The following PTPRT variants were observed in gnomAD, a reference collection of about 807,000 sequenced individuals.
The protein encoded by PTPRT is receptor-type tyrosine-protein phosphatase T.
In PTPRT, 56 loss-of-function variants were observed where a neutral mutation model predicts 176.8. That is an observed-to-expected ratio of 0.32 (90% CI 0.26 to 0.40). The LOEUF is 0.40. PTPRT is among the 10% of genes least tolerant of loss of function. The pLI, the probability that PTPRT is intolerant of heterozygous loss-of-function variation, is 1.00. For missense variants in PTPRT, 1,540 were observed against 1,908.2 expected (o/e 0.81, Z 3.60); for synonymous variants, 783 against 739.0 (o/e 1.06, Z -0.96).
At chr20:42,694,556 G>A (rs2075843964) in intron 6 of PTPRT, among the ~76,000 whole-genome samples, 1 of 152,016 alleles carries the variant, frequency 6.6e-6, no homozygotes, top group Admixed American at 6.5e-5. Context: ...ATTTTTCTGG[G>A]GTAAATTCCT....
At position 42,102,169 on chromosome 20, in the gene PTPRT, T is replaced by C. The variant is rs369101223; in HGVS notation, c.3669A>G (p.Ser1223=). 3.1e-6 allele frequency: 5 copies of C among 1,613,986 alleles called. No homozygotes were observed. In the African/African-American group the frequency reaches 6.7e-5, roughly 22 times the overall value. ...PLDRCLPFLI[S]VDGESSNYIN... is the part of the protein sequence containing the mutation. The stretch of plus-strand genomic sequence containing the variant: ...TGTAATTGCTGGATTCTCCGTCCAC[T>C]GAGATAAGGAAGGGCAGGCAGCGGT... The change falls in exon 26 of 31, where the codon TCA becomes TCG. Residue 1223 remains serine, a synonymous_variant. Transcript: ENST00000373187.
At chr20:42,141,083 G>C (rs1025325115) in intron 18 of PTPRT, among the ~76,000 whole-genome samples, 12 of 152,174 alleles carry the variant, frequency 7.9e-5, no homozygotes, top group Non-Finnish European at 1.8e-4. Context: ...GGTGCCTACA[G>C]GAAAGGTAAA....
At chr20:42,926,775 T>C (rs1017345704) in intron 1 of PTPRT, among the ~76,000 whole-genome samples, 2 of 152,186 alleles carry the variant, frequency 1.3e-5, no homozygotes, top group African/African-American at 4.8e-5. Flanking sequence ...ATGATTGTTG[T>C]GGGGATGCAA....
intron 7 of PTPRT, among the ~76,000 whole-genome samples, chr20:42,514,507 C>T (rs547411718): frequency 6.6e-6 from 1 of 152,190 alleles, no homozygotes; most frequent in South Asian, 2.1e-4. Flanking sequence ...TTATTTGTTG[C>T]TGGCTTTGTA....
In PTPRT at chr20:42,084,726, C is replaced by A; in HGVS notation, c.4092G>T (p.Gln1364His). The A allele has an allele frequency of 6.4e-7, 1 of 1,569,684 alleles. No homozygotes were observed. Among genetic ancestry groups the A allele is most frequent in the East Asian group, 2.3e-5 (1 of 43,306 alleles). ...LKVVRRLEKW[Q>H]EQYDGREGRT... ...GTCCCTCCCTCCCGTCATACTGCTC[C>A]TGCCACTTCTCCAGTCGTCGGACCA... Residue 1364 changes from glutamine (Q) to histidine (H), a missense_variant, in exon 29 of 31, where the codon CAG (glutamine) becomes CAT (histidine). By Grantham distance (24) the Gln-to-His change is conservative. Transcript: ENST00000373187.
At chr20:42,707,788 G>A (rs1040444030) in intron 6 of PTPRT, among the ~76,000 whole-genome samples, 4 of 152,100 alleles carry the variant, frequency 2.6e-5, no homozygotes, top group Non-Finnish European at 4.4e-5. Context: ...ACCCCATCTC[G>A]AAAATCAAAA....
chr20:42,743,668 G>A (rs574369505), intron 6 of PTPRT, among the ~76,000 whole-genome samples: 26 of 152,260 alleles, frequency 1.7e-4, no homozygotes, highest in African/African-American at 5.5e-4. Flanking sequence ...GTAAATGTCC[G>A]CTAAGCACGG....
At chr20:42,303,262 C>A (rs1298960780) in intron 12 of PTPRT, among the ~76,000 whole-genome samples, 1 of 152,200 alleles carries the variant, frequency 6.6e-6, no homozygotes, top group African/African-American at 2.4e-5. Context: ...CAGATGTAAT[C>A]AAAGGCCAAT....
chr20:42,772,054 A>AG (rs2077070870), intron 4 of PTPRT, among the ~76,000 whole-genome samples: 1 of 152,212 alleles, frequency 6.6e-6, no homozygotes, highest in Admixed American at 6.5e-5. Flanking sequence ...AGCCTGAAGA[A>AG]GCAAAATAAG....
intron 26 of PTPRT, among the ~76,000 whole-genome samples, chr20:42,099,593 A>G (rs921852950): frequency 1.2e-4 from 15 of 121,982 alleles, no homozygotes; most frequent in African/African-American, 3.0e-4. Flanking sequence ...CCAGGGCCCT[A>G]TTTATTTTCT....
intron 18 of PTPRT, among the ~76,000 whole-genome samples, chr20:42,130,784 T>TG (rs1272714591): frequency 1.6e-4 from 24 of 152,232 alleles, no homozygotes; most frequent in African/African-American, 5.3e-4. Context: ...AGCAGGTGGG[T>TG]GGTCTAAGCA....
At chr20:43,091,618 A>C (rs1224904260) in intron 1 of PTPRT, among the ~76,000 whole-genome samples, 2 of 152,004 alleles carry the variant, frequency 1.3e-5, no homozygotes, top group Non-Finnish European at 2.9e-5. Flanking sequence ...AAGAACAAAA[A>C]GTTTTCCACA....
chr20:42,370,529 A>G (rs1347011821), intron 9 of PTPRT, among the ~76,000 whole-genome samples: 1 of 152,200 alleles, frequency 6.6e-6, no homozygotes, highest in Non-Finnish European at 1.5e-5. Context: ...TCAGTGATTA[A>G]CAATGTAAGC....
intron 1 of PTPRT, among the ~76,000 whole-genome samples, chr20:43,150,798 G>C (rs1375170434): frequency 6.6e-6 from 1 of 152,060 alleles, no homozygotes; most frequent in Non-Finnish European, 1.5e-5. Context: ...CTCCGCACTG[G>C]GGAGAAAGGT....
intron 27 of PTPRT, among the ~76,000 whole-genome samples, chr20:42,097,647 T>G (rs1054311852): frequency 6.6e-6 from 1 of 152,256 alleles, no homozygotes; most frequent in Non-Finnish European, 1.5e-5. Flanking sequence ...AGCTCAGGTC[T>G]GTTTAAAAAA....
intron 1 of PTPRT, among the ~76,000 whole-genome samples, chr20:42,987,906 G>T (rs1347529454): frequency 6.6e-6 from 1 of 152,222 alleles, no homozygotes; most frequent in Non-Finnish European, 1.5e-5. Flanking sequence ...ACATGTGGCT[G>T]CTGGCTGGAG....
intron 9 of PTPRT, among the ~76,000 whole-genome samples, chr20:42,421,553 T>C (rs2059119234): frequency 6.6e-6 from 1 of 151,888 alleles, no homozygotes; most frequent in South Asian, 2.1e-4. Flanking sequence ...ACAGGGTGTG[T>C]GTGTGTGTTT....
At chr20:42,144,205 G>A (rs746194862) in intron 17 of PTPRT, among the ~76,000 whole-genome samples, 8 of 152,200 alleles carry the variant, frequency 5.3e-5, no homozygotes, top group South Asian at 4.1e-4. Context: ...AAGAACTGAG[G>A]GGGGAGAGAT....
intron 7 of PTPRT, among the ~76,000 whole-genome samples, chr20:42,634,085 TAATATA>T (rs1464966676): frequency 2.3e-5 from 1 of 44,216 alleles, no homozygotes; most frequent in African/African-American, 1.0e-4. Context: ...AATATATATA[TAATATA>T]ATAATATATA....
Sources: gnomAD v4.1 joint callset for allele counts (sites outside exome capture counted in the v4.1 genomes callset) on GRCh38, gnomAD v4.1.1 for gene constraint, MANE v1.5 for transcripts, NCBI Gene and HGNC (gene_info 2026-07-23, HGNC 2026-07-21) for gene names.